MARCHF4: variants seen among roughly 807,000 people sequenced by gnomAD.
The protein encoded by MARCHF4 is E3 ubiquitin-protein ligase MARCHF4.
MARCHF4 carries 14 observed loss-of-function variants against 43.9 expected under a neutral mutation model. The ratio of observed to expected loss-of-function variants is 0.32; its 90% CI spans 0.21 to 0.50. The LOEUF is 0.50. Among genes scored for constraint, MARCHF4 ranks in the 20% least tolerant of loss-of-function variants. The pLI, the probability that MARCHF4 is intolerant of heterozygous loss-of-function variation, is 0.98. For missense variants in MARCHF4, 468 were observed against 536.7 expected, an observed-to-expected ratio of 0.87 and a Z score of 1.27; for synonymous variants, 226 against 213.3, an observed-to-expected ratio of 1.06 and a Z score of -0.52.
At chr2:216,267,868 C>T (rs940219642) in intron 3 of MARCHF4, among the ~76,000 whole-genome samples, 3 of 152,066 alleles carry the variant, frequency 2.0e-5, no homozygotes, top group African/African-American at 4.8e-5. Flanking sequence ...AAATGCCTCT[C>T]GAGGGGTCTC....
chr2:216,265,837 T>G (rs1366452421), intron 3 of MARCHF4: 1 of 152,216 alleles, frequency 6.6e-6, no homozygotes, highest in Non-Finnish European at 1.5e-5. Context: ...AAAGAGCTTG[T>G]TAAGACAGAT....
chr2:216,354,895 CTTT>C (rs1692459719), intron 1 of MARCHF4, among the ~76,000 whole-genome samples: 5 of 36,174 alleles, frequency 1.4e-4, no homozygotes, highest in Non-Finnish European at 2.0e-4. Flanking sequence ...TAATTGTTTT[CTTT>C]CTTTCTTTCT....
chr2:216,351,912 A>C (rs1049475377), intron 1 of MARCHF4, among the ~76,000 whole-genome samples: 34 of 152,260 alleles, frequency 2.2e-4, no homozygotes, highest in African/African-American at 8.2e-4. Context: ...AGGCAAATGT[A>C]GTTCCTTGGT....
chr2:216,281,130 A>G (rs941506637), intron 2 of MARCHF4, among the ~76,000 whole-genome samples: 9 of 144,680 alleles, frequency 6.2e-5, no homozygotes, highest in Non-Finnish European at 1.3e-4. Flanking sequence ...GTGCACTGGC[A>G]TAATCATAGC....
At chr2:216,368,145 A>T (rs968967403) in intron 1 of MARCHF4, among the ~76,000 whole-genome samples, 3 of 152,196 alleles carry the variant, frequency 2.0e-5, no homozygotes, top group African/African-American at 7.2e-5. Context: ...CTGAGCCCAT[A>T]TGGGAGAAAA....
At chr2:216,306,964 CCT>C (rs71988758) in intron 1 of MARCHF4, among the ~76,000 whole-genome samples, 11 of 150,812 alleles carry the variant, frequency 7.3e-5, no homozygotes, top group Admixed American at 2.0e-4. Flanking sequence ...TACCTCCTGT[CCT>C]CTCTCTCTCT....
Position 216,309,852 on chromosome 2 carries a change from A to T in MARCHF4, c.517-26123T>A, listed in dbSNP as rs575069321. On this transcript the variant is annotated intron_variant, in intron 1 of 3. Transcript: ENST00000273067. ...TTTTAATTATTATTTTGCATGATGT[A>T]GTTCCACTTGGCTTTCTGCCCCCTT... 2.2e-5 allele frequency among the ~76,000 whole-genome samples: 3 copies of T among 137,478 alleles called. No homozygotes were observed. In the East Asian group the frequency reaches 6.4e-4, roughly 29 times the overall value. The allele number at this position is 137,478 out of a possible 152,430, so 90.2% of individuals were successfully genotyped here. A position where few individuals can be genotyped will look rare whatever the true frequency, so the allele number is the denominator to read the frequency against.
chr2:216,317,145 T>C (rs986337381), intron 1 of MARCHF4, among the ~76,000 whole-genome samples: 5 of 152,164 alleles, frequency 3.3e-5, no homozygotes, highest in African/African-American at 7.2e-5. Flanking sequence ...TACTCTTTCA[T>C]TGGCGTCTTT....
At chr2:216,334,696 G>A (rs1016157286) in intron 1 of MARCHF4, among the ~76,000 whole-genome samples, 6 of 152,264 alleles carry the variant, frequency 3.9e-5, no homozygotes, top group East Asian at 1.9e-4. Flanking sequence ...CCACCAGTGC[G>A]CCTGGCCTAA....
chr2:216,261,055 G>T (rs1163562058), intron 3 of MARCHF4, among the ~76,000 whole-genome samples: 1 of 152,194 alleles, frequency 6.6e-6, no homozygotes, highest in Non-Finnish European at 1.5e-5. Context: ...TTCCTGAGAA[G>T]TGGAGGGCAC....
At chr2:216,310,466 T>A (rs1691666579) in intron 1 of MARCHF4, among the ~76,000 whole-genome samples, 1 of 152,108 alleles carries the variant, frequency 6.6e-6, no homozygotes, top group South Asian at 2.1e-4. Context: ...CTCCTTATGT[T>A]GCCTGGACTG....
In MARCHF4 at chr2:216,277,734, C is replaced by A. The variant is rs759735435; in HGVS notation, c.803G>T (p.Arg268Leu). 2 of 1,614,132 alleles carry A rather than the reference C, an allele frequency of 1.2e-6. No individual in the cohort carries two copies. Among genetic ancestry groups the A allele is most frequent in the Non-Finnish European group, 1.7e-6 (2 of 1,179,988 alleles). The change falls in exon 3 of 4, where the codon CGC becomes CTC. Residue 268 changes from arginine (R) to leucine (L), a missense_variant. By Grantham distance (102) the Arg-to-Leu change is moderately radical (BLOSUM62 -2). Around this residue, in one of 3 missense-constraint regions of MARCHF4, gnomAD observed 158 missense variants for 251.1 expected, o/e 0.63. Coordinates refer to ENST00000273067, the MANE Select transcript of MARCHF4 (RefSeq NM_020814.3). ...GCAGATCTGGAAGAGAAGGTCTTGG[C>A]GCTGCCATCTTGCCGAGGGGCTGAA... is the stretch of plus-strand genomic sequence containing the variant. ...STFSPSARWQRQDLLFQICYG... is the reference protein window; with the variant it reads ...STFSPSARWQLQDLLFQICYG...
intron 1 of MARCHF4, among the ~76,000 whole-genome samples, chr2:216,345,074 C>T (rs79248360): frequency 0.027 from 4,054 of 152,096 alleles, 78 homozygotes; most frequent in Middle Eastern, 0.061. Context: ...AGGATGGCAA[C>T]TTCATGTGAA....
intron 1 of MARCHF4, among the ~76,000 whole-genome samples, chr2:216,339,600 T>C (rs77596625): frequency 0.021 from 3,274 of 152,310 alleles, 117 homozygotes; most frequent in African/African-American, 0.074. Context: ...TGGAGAAGTG[T>C]TTTTCTTCAG....
At chr2:216,283,837 G>T (rs1691175418) in intron 1 of MARCHF4, 108 bp from the exon 2 acceptor site, 3 of 1,223,130 alleles carry the variant, frequency 2.5e-6, no homozygotes, top group African/African-American at 1.5e-5. Flanking sequence ...ACCCAAGTAG[G>T]CCACAGGCTT....
chr2:216,348,400 G>T (rs1692353550), intron 1 of MARCHF4, among the ~76,000 whole-genome samples: 1 of 152,120 alleles, frequency 6.6e-6, no homozygotes. Flanking sequence ...AGGTCATAAA[G>T]ACCTTGCTGA....
chr2:216,289,105 C>G (rs1248629567), intron 1 of MARCHF4, among the ~76,000 whole-genome samples: 4 of 149,994 alleles, frequency 2.7e-5, no homozygotes, highest in African/African-American at 4.9e-5. Context: ...GAGACAGAGT[C>G]TCGCTCTGTC....
intron 1 of MARCHF4, among the ~76,000 whole-genome samples, chr2:216,319,873 A>G (rs1428216286): frequency 6.6e-6 from 1 of 152,120 alleles, no homozygotes; most frequent in Admixed American, 6.6e-5. Context: ...TAATACCCCC[A>G]ACTGCTTGGC....
At chr2:216,279,219 G>C (rs780787502) in intron 2 of MARCHF4, among the ~76,000 whole-genome samples, 2 of 152,182 alleles carry the variant, frequency 1.3e-5, no homozygotes, top group African/African-American at 2.4e-5. Context: ...GACTGCTCCC[G>C]GCAGAGGGAA....
Sources: gnomAD v4.1 joint callset for allele counts (sites outside exome capture counted in the v4.1 genomes callset) on GRCh38, gnomAD v4.1.1 for gene constraint, gnomAD v4.1.1 regional missense constraint, MANE v1.5 for transcripts, NCBI Gene and HGNC (gene_info 2026-07-23, HGNC 2026-07-21) for gene names.